NBEA: variants seen among roughly 807,000 people sequenced by gnomAD.
NBEA encodes neurobeachin, also known as lysosomal-trafficking regulator 2.
NBEA carries 44 observed loss-of-function variants against 343.4 expected under a neutral mutation model. The ratio of observed to expected loss-of-function variants is 0.13; its 90% CI spans 0.10 to 0.16. The LOEUF is 0.16. Among genes scored for constraint, NBEA ranks in the 10% least tolerant of loss-of-function variants. NBEA has a pLI of 1.00. For missense variants in NBEA, 2,555 were observed against 3,631.3 expected, an observed-to-expected ratio of 0.70 and a Z score of 7.62; for synonymous variants, 1,175 against 1,238.7, an observed-to-expected ratio of 0.95 and a Z score of 1.08.
At chr13:35,351,444 T>C (rs2152864939) in intron 37 of NBEA, among the ~76,000 whole-genome samples, 1 of 152,152 alleles carries the variant, frequency 6.6e-6, no homozygotes, top group South Asian at 2.1e-4. Flanking sequence ...GATCCATTGA[T>C]AGCAGTGTTG....
chr13:34,996,845 TAA>T (rs2060959522), intron 1 of NBEA, among the ~76,000 whole-genome samples: 1 of 152,170 alleles, frequency 6.6e-6, no homozygotes, highest in South Asian at 2.1e-4. Flanking sequence ...GCAAATCATT[TAA>T]AAATATATGT....
intron 41 of NBEA, among the ~76,000 whole-genome samples, chr13:35,496,140 A>G (rs1219754031): frequency 6.6e-6 from 1 of 152,014 alleles, no homozygotes; most frequent in African/African-American, 2.4e-5. Flanking sequence ...TCAGTAAGAT[A>G]TAGGCAGTAT....
At chr13:35,594,689 CTG>C (rs1164774554) in intron 47 of NBEA, among the ~76,000 whole-genome samples, 2 of 151,950 alleles carry the variant, frequency 1.3e-5, no homozygotes, top group Non-Finnish European at 2.9e-5. Flanking sequence ...AGGAGGGAGT[CTG>C]TTTCTTATAT....
At chr13:35,535,467 A>G (rs2078492274) in intron 41 of NBEA, among the ~76,000 whole-genome samples, 1 of 152,186 alleles carries the variant, frequency 6.6e-6, no homozygotes, top group Non-Finnish European at 1.5e-5. Flanking sequence ...ATCAGAGAAT[A>G]AAGTACACTG....
chr13:35,383,124 T>G (rs893277908), intron 38 of NBEA, among the ~76,000 whole-genome samples: 12 of 152,132 alleles, frequency 7.9e-5, no homozygotes, highest in African/African-American at 2.9e-4. Context: ...GTAAGAGAAT[T>G]CATGGAAGAG....
At chr13:34,978,868 A>G (rs897811096) in intron 1 of NBEA, among the ~76,000 whole-genome samples, 2 of 152,206 alleles carry the variant, frequency 1.3e-5, no homozygotes, top group African/African-American at 4.8e-5. Context: ...TCTTCTACTC[A>G]TGGAACTCTA....
chr13:35,101,035 T>G (rs913786795), intron 11 of NBEA, among the ~76,000 whole-genome samples: 1 of 152,026 alleles, frequency 6.6e-6, no homozygotes, highest in Non-Finnish European at 1.5e-5. Context: ...ATTTTAGAAC[T>G]CCGTTCTTTT....
At chr13:35,363,702 CCATCCTAAAA>C (rs1292231321) in intron 38 of NBEA, among the ~76,000 whole-genome samples, 2 of 151,884 alleles carry the variant, frequency 1.3e-5, no homozygotes, top group Non-Finnish European at 2.9e-5. Flanking sequence ...CTTTCTAGAA[CCATCCTAAAA>C]CATCTATCCG....
At chr13:35,411,028 CTG>C (rs1348586964) in intron 38 of NBEA, among the ~76,000 whole-genome samples, 2 of 152,188 alleles carry the variant, frequency 1.3e-5, no homozygotes, top group African/African-American at 4.8e-5. Context: ...TCCCACAAAA[CTG>C]TTACCATGAC....
At chr13:34,949,779 G>C (rs2059295048) in intron 1 of NBEA, among the ~76,000 whole-genome samples, 1 of 151,934 alleles carries the variant, frequency 6.6e-6, no homozygotes, top group South Asian at 2.1e-4. Flanking sequence ...TCAGGTTTGA[G>C]GTACCACCAA....
intron 10 of NBEA, among the ~76,000 whole-genome samples, chr13:35,091,667 G>A (rs1472536241): frequency 1.3e-5 from 2 of 151,856 alleles, no homozygotes; most frequent in Admixed American, 6.6e-5. Flanking sequence ...TGTACAATGT[G>A]AAACCACATT....
At chr13:35,667,195 G>A (rs1207750547) in intron 56 of NBEA, among the ~76,000 whole-genome samples, 179 bp from the exon 57 acceptor site, 1 of 152,214 alleles carries the variant, frequency 6.6e-6, no homozygotes, top group African/African-American at 2.4e-5. Context: ...TATGTAGCAG[G>A]TACTCTGGCT....
At chr13:35,099,181 C>T (rs1465514795) in intron 11 of NBEA, among the ~76,000 whole-genome samples, 2 of 150,598 alleles carry the variant, frequency 1.3e-5, no homozygotes, top group Non-Finnish European at 1.5e-5. Flanking sequence ...AGGCGCGCAC[C>T]ACCATGCCTG....
chr13:35,668,567 G>A (rs1422179731), intron 58 of NBEA, 48 bp downstream of exon 58: 2 of 1,495,714 alleles, frequency 1.3e-6, no homozygotes, highest in Admixed American at 2.3e-5. Context: ...TGTCATTGAA[G>A]GCTCTCTTCA....
At chr13:35,648,000 C>G (rs1359606243) in intron 51 of NBEA, among the ~76,000 whole-genome samples, 2 of 151,958 alleles carry the variant, frequency 1.3e-5, no homozygotes, top group East Asian at 3.9e-4. Context: ...CTCAGTCTTC[C>G]TAGTAGCTGG....
chr13:35,326,467 G>T (rs899702928), intron 36 of NBEA, among the ~76,000 whole-genome samples: 1 of 152,016 alleles, frequency 6.6e-6, no homozygotes, highest in Non-Finnish European at 1.5e-5. Flanking sequence ...AAATGCTACT[G>T]ATTTTTATAT....
intron 39 of NBEA, among the ~76,000 whole-genome samples, chr13:35,437,535 T>G (rs970132102): frequency 6.6e-6 from 1 of 152,144 alleles, no homozygotes; most frequent in African/African-American, 2.4e-5. Context: ...TTGATATACT[T>G]TCAGCCTCTG....
chr13:34,994,301 C>G (rs1191180326), intron 1 of NBEA, among the ~76,000 whole-genome samples: 1 of 145,946 alleles, frequency 6.9e-6, no homozygotes, highest in East Asian at 2.1e-4. Context: ...GGATGCCTTA[C>G]ATTAATTTTA....
Position 35,606,514 on chromosome 13 carries a change from T to C in NBEA, c.7385T>C (p.Val2462Ala), listed in dbSNP as rs1179429641. The C allele has an allele frequency of 6.2e-7, 1 of 1,607,760 alleles. No homozygotes were observed. The highest frequency in any genetic ancestry group is 8.5e-7 in the Non-Finnish European group (1 of 1,176,076). Residue 2462 changes from valine to alanine, a missense_variant, in exon 48 of 59, where the codon GTA becomes GCA. Transcript: ENST00000379939. ...GGAGTCAGAGAAGATGAAGTAGTGG[T>C]AAATGATGTTGATCTTCCCCCTTGG... ...NLGVREDEVV[V>A]NDVDLPPWAK...
Sources: allele counts gnomAD v4.1 joint callset (sites outside exome capture counted in the v4.1 genomes callset), GRCh38; gene constraint gnomAD v4.1.1; transcripts MANE v1.5; gene names NCBI Gene and HGNC (gene_info 2026-07-23, HGNC 2026-07-21).